The following CDH18 variants were observed in gnomAD, a reference collection of about 807,000 sequenced individuals.
CDH18 encodes the protein cadherin-18.
CDH18 carries 31 observed loss-of-function variants against 67.9 expected under a neutral mutation model. The observed-to-expected ratio is 0.46, with a 90% CI of 0.34 to 0.62. The LOEUF is 0.62. CDH18 is among the 20% of genes least tolerant of loss of function. The pLI is 0.01. For missense variants in CDH18, 890 were observed against 975.5 expected (o/e 0.91, Z 1.17); for synonymous variants, 362 against 347.2 (o/e 1.04, Z -0.48).
chr5:20,289,275 A>G (rs144149493), intron 1 of CDH18, among the ~76,000 whole-genome samples: 6 of 152,048 alleles, frequency 3.9e-5, no homozygotes, highest in Non-Finnish European at 7.4e-5. Context: ...GAGAATTATG[A>G]AATGACAGTT....
intron 2 of CDH18, among the ~76,000 whole-genome samples, chr5:19,850,397 G>A (rs935932444): frequency 1.3e-5 from 2 of 151,784 alleles, no homozygotes; most frequent in African/African-American, 2.4e-5. Flanking sequence ...TACAAATAAT[G>A]TTTAGGGTAG....
intron 2 of CDH18, among the ~76,000 whole-genome samples, chr5:19,962,152 G>T (rs1796966951): frequency 6.6e-6 from 1 of 151,186 alleles, no homozygotes; most frequent in South Asian, 2.1e-4. Context: ...ACCTTGAGTG[G>T]GAAGTCTTCT....
intron 1 of CDH18, among the ~76,000 whole-genome samples, chr5:20,385,811 G>T (rs1744268525): frequency 6.6e-6 from 1 of 152,090 alleles, no homozygotes; most frequent in Admixed American, 6.5e-5. Context: ...TAACTTTGTA[G>T]CAGAAATTGT....
chr5:19,677,537 G>A (rs541835853), intron 5 of CDH18, among the ~76,000 whole-genome samples: 11 of 151,878 alleles, frequency 7.2e-5, no homozygotes, highest in Non-Finnish European at 1.0e-4. Flanking sequence ...ACAACACAAC[G>A]GCAGTATCAA....
intron 2 of CDH18, among the ~76,000 whole-genome samples, chr5:20,227,201 G>A (rs1013200848): frequency 1.3e-5 from 2 of 151,848 alleles, no homozygotes; most frequent in Non-Finnish European, 1.5e-5. Flanking sequence ...GCTCCTACAC[G>A]TGGGATTTCT....
intron 2 of CDH18, among the ~76,000 whole-genome samples, chr5:20,140,617 CCAAT>C (rs1750171595): frequency 1.3e-5 from 2 of 152,220 alleles, no homozygotes; most frequent in East Asian, 1.9e-4. Flanking sequence ...TTTGAGTACT[CCAAT>C]CAGTTTCTCC....
At chr5:19,857,599 A>G (rs1784446798) in intron 2 of CDH18, among the ~76,000 whole-genome samples, 1 of 152,164 alleles carries the variant, frequency 6.6e-6, no homozygotes, top group African/African-American at 2.4e-5. Flanking sequence ...GTAGGGAAGT[A>G]GCATTCAGGA....
chr5:20,449,136 C>T (rs1369362912), intron 1 of CDH18, among the ~76,000 whole-genome samples: 1 of 152,232 alleles, frequency 6.6e-6, no homozygotes, highest in African/African-American at 2.4e-5. Flanking sequence ...CTTACATCAA[C>T]TTAGTTGCTA....
chr5:20,500,455 T>C (rs928790901), intron 1 of CDH18, among the ~76,000 whole-genome samples: 1 of 152,128 alleles, frequency 6.6e-6, no homozygotes, highest in African/African-American at 2.4e-5. Flanking sequence ...TAGGAGTGAA[T>C]TGGCCAGGGG....
intron 9 of CDH18, among the ~76,000 whole-genome samples, chr5:19,526,891 T>G (rs1403129732): frequency 6.6e-6 from 1 of 151,968 alleles, no homozygotes; most frequent in Non-Finnish European, 1.5e-5. Flanking sequence ...TAATAAAAAT[T>G]TACAGGGAAT....
chr5:20,558,020 A>AAATGTTATAGTTATATAACATTT, intron 1 of CDH18, among the ~76,000 whole-genome samples: 1 of 139,988 alleles, frequency 7.1e-6, no homozygotes, highest in Non-Finnish European at 1.5e-5. Flanking sequence ...ATATAACATT[A>AAATGTTATAGTTATATAACATTT]AATGTTATAG....
At chr5:19,554,142 C>T (rs1198432180) in intron 8 of CDH18, among the ~76,000 whole-genome samples, 1 of 152,130 alleles carries the variant, frequency 6.6e-6, no homozygotes, top group East Asian at 1.9e-4. Flanking sequence ...ATGGACAGCA[C>T]ACATGGCACA....
intron 2 of CDH18, among the ~76,000 whole-genome samples, chr5:19,964,155 A>C (rs751954145): frequency 6.6e-6 from 1 of 152,168 alleles, no homozygotes; most frequent in Non-Finnish European, 1.5e-5. Flanking sequence ...CATTTGATTT[A>C]AAAATTTGAA....
chr5:20,019,055 C>T (rs1268729884), intron 2 of CDH18, among the ~76,000 whole-genome samples: 2 of 142,380 alleles, frequency 1.4e-5, no homozygotes, highest in South Asian at 4.7e-4. Flanking sequence ...TCTCGGCCTC[C>T]CAAAGTGCTG....
intron 2 of CDH18, among the ~76,000 whole-genome samples, chr5:19,980,002 A>T (rs1171933329): frequency 6.6e-6 from 1 of 152,184 alleles, no homozygotes; most frequent in African/African-American, 2.4e-5. Flanking sequence ...AAATTGGTAA[A>T]GAAGAAGTCA....
At position 19,862,204 on chromosome 5, in the gene CDH18, A is replaced by T. The variant is rs529757082; in HGVS notation, c.-256-22962T>A. On this transcript the variant is annotated intron_variant, in intron 2 of 12. Transcript: ENST00000382275. ...ACTATACATTTGATATGAAACAAATACATTACAGAACATTCAAAATAATCT... is the reference window on the plus strand; with the variant it reads ...ACTATACATTTGATATGAAACAAATTCATTACAGAACATTCAAAATAATCT... Among the ~76,000 whole-genome samples, 4 of 44,804 alleles carry T rather than the reference A, an allele frequency of 8.9e-5. No individual in the cohort carries two copies. The Admixed American group carries it at 9.7e-4, about 11-fold the overall frequency. 29.4% of individuals were successfully genotyped at this position (44,804 alleles called of 152,430 possible).
intron 12 of CDH18, among the ~76,000 whole-genome samples, chr5:19,476,363 T>C (rs1738462802): frequency 6.6e-6 from 1 of 152,088 alleles, no homozygotes. Context: ...GATCTACAAA[T>C]ATTATGCACA....
At chr5:20,405,940 C>T (rs1746209623) in intron 1 of CDH18, among the ~76,000 whole-genome samples, 1 of 152,132 alleles carries the variant, frequency 6.6e-6, no homozygotes, top group South Asian at 2.1e-4. Flanking sequence ...ACAACAGGTG[C>T]TGGAGAGGAT....
At chr5:19,969,773 A>G (rs1462931202) in intron 2 of CDH18, among the ~76,000 whole-genome samples, 1 of 151,982 alleles carries the variant, frequency 6.6e-6, no homozygotes, top group Non-Finnish European at 1.5e-5. Flanking sequence ...GCAGCACACC[A>G]GCATGGCACA....
Sources: allele counts gnomAD v4.1 joint callset (sites outside exome capture counted in the v4.1 genomes callset), GRCh38; gene constraint gnomAD v4.1.1; transcripts MANE v1.5; gene names NCBI Gene and HGNC (gene_info 2026-07-23, HGNC 2026-07-21).